Variants in KRTAP2-3 observed in about 807,000 individuals in gnomAD.
KRTAP2-3 encodes the protein keratin-associated protein 2-3.
In KRTAP2-3, 9 loss-of-function variants were observed where a neutral mutation model predicts 11.2. The observed-to-expected ratio is 0.80, with a 90% CI of 0.48 to 1.40. The LOEUF (loss-of-function observed/expected upper bound fraction) is 1.40, where lower values mean the gene tolerates loss of function less well. KRTAP2-3 is among the 40% of genes most tolerant of loss of function. The probability of loss-of-function intolerance (pLI) is 0.00; values close to 1 mark genes in which losing one functional copy is unlikely to be tolerated. For synonymous variants in KRTAP2-3, 45 were observed against 76.2 expected (o/e 0.59, Z 2.13); for missense variants, 93 against 176.8 (o/e 0.53, Z 2.69).
rs754710212 is a variant in KRTAP2-3 at position 41,059,745 on chromosome 17, C to T, written c.306G>A (p.Val102=). The T allele has an allele frequency of 9.5e-5, 147 of 1,551,546 alleles. 3 individuals carry two copies. The highest frequency in any genetic ancestry group is 4.8e-5 in the Non-Finnish European group (55 of 1,148,198). Residue 102 remains valine (V), a synonymous_variant, in exon 1 of 1, where the codon GTG becomes GTA. Transcript: ENST00000391418. ...CCWATTCCQP[V]SVQSPCCRPP... ...GCCGGCAGCAGGGGGACTGCACAGACACAGGCTGGCAGCAGGTGGTGGCCC... is the reference window on the plus strand; with the variant it reads ...GCCGGCAGCAGGGGGACTGCACAGATACAGGCTGGCAGCAGGTGGTGGCCC...
chr17:41,059,469 G>T lies in KRTAP2-3; in HGVS notation c.*195C>A. ...TGATGAAAGCTGGAATTTTTCTCAA[G>T]ATTGTCAGAGAGGGCCAGGATTAGC... is the stretch of plus-strand genomic sequence containing the variant. On this transcript the variant is annotated 3_prime_UTR_variant, in exon 1 of 1. Coordinates refer to ENST00000391418, the MANE Select transcript of KRTAP2-3 (RefSeq NM_001165252.2). The T allele has an allele frequency of 1.0e-6, 1 of 977,720 alleles. No homozygotes were observed. The highest frequency in any genetic ancestry group is 1.4e-6 in the Non-Finnish European group (1 of 712,340). The allele number at this position is 977,720 out of a possible 1,614,324, so 60.6% of individuals were successfully genotyped here. A position where few individuals can be genotyped will look rare whatever the true frequency, so the allele number is the denominator to read the frequency against.
In KRTAP2-3 at chr17:41,059,284, A is replaced by C; in HGVS notation, c.*380T>G. On this transcript the variant is annotated 3_prime_UTR_variant, in exon 1 of 1. Coordinates refer to ENST00000391418, the MANE Select transcript of KRTAP2-3 (RefSeq NM_001165252.2). ...AATTTTATTTTTTTTTACAGTGCAAAAATACAGCATACAAATAGTATTATC... is the reference window on the plus strand; with the variant it reads ...AATTTTATTTTTTTTTACAGTGCAACAATACAGCATACAAATAGTATTATC... The C allele has an allele frequency of 4.1e-6, 1 of 241,944 alleles. No individual in the cohort carries two copies. The highest frequency in any genetic ancestry group is 5.2e-5 in the Admixed American group (1 of 19,208). The allele number at this position is 241,944 out of a possible 1,614,324, so 15.0% of individuals were successfully genotyped here.
In KRTAP2-3 at chr17:41,059,843, G is replaced by A. The variant is rs376677949; in HGVS notation, c.208C>T (p.Gln70Ter). 4.3e-4 allele frequency: 664 copies of A among 1,529,878 alleles called. 12 individuals carry two copies. The East Asian group carries it at 0.014, about 32-fold the overall frequency. 94.8% of individuals were successfully genotyped at this position (1,529,878 alleles called of 1,614,324 possible). ...RPVCCDPCSL[Q>*]EGCCRPITCC... ...GTGATGGGGCGGCAGCAGCCTTCCTGCAGGGAGCAGGGGTCGCAGCACACC... is the reference window on the plus strand; with the variant it reads ...GTGATGGGGCGGCAGCAGCCTTCCTACAGGGAGCAGGGGTCGCAGCACACC... The change falls in exon 1 of 1, where the codon CAG (glutamine) becomes TAG (stop). Residue 70 changes from glutamine (Q) to a stop codon, truncating the protein, a stop_gained. Transcript: ENST00000391418. LOFTEE classifies it high-confidence loss of function.
chr17:41,059,587 C>T lies in KRTAP2-3; in HGVS notation c.*77G>A. The T allele has an allele frequency of 2.6e-6, 4 of 1,512,008 alleles. No individual in the cohort carries two copies. Among genetic ancestry groups the T allele is most frequent in the Non-Finnish European group, 3.6e-6 (4 of 1,124,042 alleles). The allele number at this position is 1,512,008 out of a possible 1,614,324, so 93.7% of individuals were successfully genotyped here. ...GCAAAGGTGGAGTCTCTCATCTGAT[C>T]CAGAAGGGGTAGAAGAGTCTGCACA... is the stretch of plus-strand genomic sequence containing the variant. On this transcript the variant is annotated 3_prime_UTR_variant, in exon 1 of 1. Transcript: ENST00000391418.
At position 41,059,491 on chromosome 17, in the gene KRTAP2-3, T is replaced by C. The variant is rs2013139843; in HGVS notation, c.*173A>G. On this transcript the variant is annotated 3_prime_UTR_variant, in exon 1 of 1. Coordinates refer to ENST00000391418, the MANE Select transcript of KRTAP2-3 (RefSeq NM_001165252.2). ...CAAGATTGTCAGAGAGGGCCAGGATTAGCTGCATAATTATGTGGGGAAATA... is the reference window on the plus strand; with the variant it reads ...CAAGATTGTCAGAGAGGGCCAGGATCAGCTGCATAATTATGTGGGGAAATA... 1 of 1,153,882 alleles carries C rather than the reference T, an allele frequency of 8.7e-7. No individual in the cohort carries two copies. The highest frequency in any genetic ancestry group is 2.7e-5 in the East Asian group (1 of 36,728). The allele number at this position is 1,153,882 out of a possible 1,614,324, so 71.5% of individuals were successfully genotyped here.
chr17:41,059,711 C>A lies in KRTAP2-3; in HGVS notation c.340G>T (p.Gly114Cys), dbSNP rs763220084. 1 of 1,557,986 alleles carries A rather than the reference C, an allele frequency of 6.4e-7. No individual in the cohort carries two copies. Among genetic ancestry groups the A allele is most frequent in the South Asian group, 1.2e-5 (1 of 84,504 alleles). ...VQSPCCRPPC[G>C]QPTPCSTTCR... ...GTGGTGCTGCAAGGGGTCGGCTGGCCGCAGGGAGGCCGGCAGCAGGGGGAC... is the reference window on the plus strand; with the variant it reads ...GTGGTGCTGCAAGGGGTCGGCTGGCAGCAGGGAGGCCGGCAGCAGGGGGAC... The change falls in exon 1 of 1, where the codon GGC becomes TGC. Residue 114 changes from glycine to cysteine, a missense_variant. Physicochemically the swap from Gly to Cys is radical, Grantham distance 159. Coordinates refer to ENST00000391418, the MANE Select transcript of KRTAP2-3 (RefSeq NM_001165252.2).
Position 41,060,105 on chromosome 17 carries a change from A to T in KRTAP2-3, c.-55T>A, listed in dbSNP as rs1436993719. The T allele has an allele frequency of 3.2e-6, 5 of 1,541,978 alleles. No homozygotes were observed. Among genetic ancestry groups the T allele is most frequent in the African/African-American group, 1.4e-5 (1 of 72,780 alleles). On this transcript the variant is annotated 5_prime_UTR_variant, in exon 1 of 1. Transcript: ENST00000391418. ...CTGTTGAGAGGAGCTGGATGTTCTC[A>T]GGTGTGAATGTCCTCGTTCCACTCT...
Sources: gnomAD v4.1 joint callset for allele counts on GRCh38, gnomAD v4.1.1 for gene constraint, MANE v1.5 for transcripts, NCBI Gene and HGNC (gene_info 2026-07-23, HGNC 2026-07-21) for gene names.